FER: variants seen among roughly 807,000 people sequenced by gnomAD.
FER encodes tyrosine-protein kinase Fer.
In FER, 63 loss-of-function variants were observed where a neutral mutation model predicts 111.0. The observed-to-expected ratio is 0.57, with a 90% confidence interval of 0.46 to 0.70. The LOEUF (loss-of-function observed/expected upper bound fraction) is 0.70. Among genes scored for constraint, FER ranks in the 30% least tolerant of loss-of-function variants. The probability of loss-of-function intolerance (pLI) is 0.00; values close to 1 mark genes in which losing one functional copy is unlikely to be tolerated. For missense variants in FER, 914 were observed against 954.0 expected, an observed-to-expected ratio of 0.96 and a Z score of 0.55; for synonymous variants, 327 against 313.9, an observed-to-expected ratio of 1.04 and a Z score of -0.44.
chr5:109,139,852 A>T (rs1753333287), intron 17 of FER, among the ~76,000 whole-genome samples: 1 of 139,158 alleles, frequency 7.2e-6, no homozygotes. Context: ...ATGGGCAGCC[A>T]GTTAGCTGAC....
Position 108,767,378 on chromosome 5 carries a change from C to G in FER, c.-205-715C>G, listed in dbSNP as rs139816647. 5.7e-3 allele frequency among the ~76,000 whole-genome samples: 871 copies of G among 152,244 alleles called. 12 individuals are homozygous for G. Among genetic ancestry groups the G allele is most frequent in the African/African-American group, 0.02 (837 of 41,546 alleles). Reference sequence around the variant, plus strand: ...TATGTGTTTGCTGGGGGAATCCTTCCCAAACCTTCCCCAGCCTTTGAAAAA... The same window carrying G: ...TATGTGTTTGCTGGGGGAATCCTTCGCAAACCTTCCCCAGCCTTTGAAAAA... On this transcript the variant is annotated intron_variant, in intron 1 of 19. Transcript: ENST00000281092.
At chr5:108,805,866 C>T (rs1757152593) in intron 3 of FER, among the ~76,000 whole-genome samples, 1 of 152,150 alleles carries the variant, frequency 6.6e-6, no homozygotes, top group South Asian at 2.1e-4. Context: ...GGAAAATTTG[C>T]AGCCTGAAAA....
chr5:109,150,360 C>T (rs777029382), intron 17 of FER, among the ~76,000 whole-genome samples: 1 of 152,132 alleles, frequency 6.6e-6, no homozygotes, highest in Non-Finnish European at 1.5e-5. Flanking sequence ...ATCCTATACC[C>T]ATCTCACTTT....
At chr5:108,790,769 C>A (rs1204563465) in intron 2 of FER, among the ~76,000 whole-genome samples, 1 of 152,148 alleles carries the variant, frequency 6.6e-6, no homozygotes, top group Non-Finnish European at 1.5e-5. Flanking sequence ...ATTTTCATCA[C>A]CACAAAAGGA....
intron 3 of FER, among the ~76,000 whole-genome samples, chr5:108,808,665 G>A (rs1757442169): frequency 1.3e-5 from 2 of 151,978 alleles, no homozygotes; most frequent in Non-Finnish European, 2.9e-5. Context: ...TTACTTTGTA[G>A]TTTGTATTGT....
At chr5:108,844,418 T>G (rs1177483961) in intron 5 of FER, among the ~76,000 whole-genome samples, 1 of 152,160 alleles carries the variant, frequency 6.6e-6, no homozygotes, top group African/African-American at 2.4e-5. Flanking sequence ...AAATAAAGGT[T>G]TATATATTGT....
intron 13 of FER, among the ~76,000 whole-genome samples, chr5:109,022,318 A>G (rs1398727265): frequency 6.6e-6 from 1 of 152,092 alleles, no homozygotes; most frequent in African/African-American, 2.4e-5. Flanking sequence ...GCAGCTTGGA[A>G]TATACAGGAA....
chr5:109,003,194 A>G (rs1299365547), intron 13 of FER, among the ~76,000 whole-genome samples: 1 of 152,250 alleles, frequency 6.6e-6, no homozygotes, highest in African/African-American at 2.4e-5. Flanking sequence ...ACTATTCACA[A>G]TAGCAAAGAC....
At chr5:109,044,488 G>A (rs962120879) in intron 14 of FER, among the ~76,000 whole-genome samples, 192 bp from the exon 15 acceptor site, 5 of 152,004 alleles carry the variant, frequency 3.3e-5, no homozygotes, top group South Asian at 4.2e-4. Context: ...GCCAAATGAG[G>A]CATTTTATAC....
At chr5:108,859,568 G>A (rs1270511325) in intron 5 of FER, among the ~76,000 whole-genome samples, 1 of 152,004 alleles carries the variant, frequency 6.6e-6, no homozygotes, top group African/African-American at 2.4e-5. Flanking sequence ...GTAATATGTG[G>A]GAGATTCAGA....
At chr5:109,048,532 A>G (rs751433010) in intron 16 of FER, among the ~76,000 whole-genome samples, 5 of 152,198 alleles carry the variant, frequency 3.3e-5, no homozygotes, top group Non-Finnish European at 7.3e-5. Context: ...ACCAGATGAC[A>G]AGTCCTAGTT....
intron 16 of FER, among the ~76,000 whole-genome samples, chr5:109,076,005 T>C (rs1177647082): frequency 1.3e-5 from 2 of 152,088 alleles, no homozygotes; most frequent in Non-Finnish European, 2.9e-5. Context: ...AATTAGAAGC[T>C]ATTTCAGGGA....
chr5:108,932,141 A>G (rs1754774331), intron 10 of FER, among the ~76,000 whole-genome samples: 1 of 152,054 alleles, frequency 6.6e-6, no homozygotes, highest in Non-Finnish European at 1.5e-5. Flanking sequence ...CATCTACATT[A>G]GGTATTTCTC....
chr5:108,837,595 A>G (rs1760804540), intron 5 of FER, among the ~76,000 whole-genome samples: 1 of 152,180 alleles, frequency 6.6e-6, no homozygotes, highest in Non-Finnish European at 1.5e-5. Context: ...CTAGGTTTGT[A>G]TATGTTGGAG....
intron 13 of FER, among the ~76,000 whole-genome samples, chr5:108,969,959 T>G (rs1041477720): frequency 2.0e-5 from 3 of 148,130 alleles, no homozygotes; most frequent in Non-Finnish European, 4.4e-5. Context: ...AACATGTTAC[T>G]ATGTTTGTAA....
At chr5:109,079,938 T>C (rs1776794244) in intron 16 of FER, among the ~76,000 whole-genome samples, 1 of 152,108 alleles carries the variant, frequency 6.6e-6, no homozygotes, top group African/African-American at 2.4e-5. Context: ...AGAAAGTAGT[T>C]TTTGTTTGCC....
intron 3 of FER, among the ~76,000 whole-genome samples, chr5:108,815,574 C>T (rs537727132): frequency 2.0e-5 from 3 of 152,192 alleles, no homozygotes; most frequent in Non-Finnish European, 4.4e-5. Flanking sequence ...ATGAATTTTA[C>T]TTTGCTTCTT....
chr5:109,011,652 TCTTG>T (rs2149804436), intron 13 of FER, among the ~76,000 whole-genome samples: 1 of 152,328 alleles, frequency 6.6e-6, no homozygotes, highest in East Asian at 1.9e-4. Flanking sequence ...CAGGGCTTTA[TCTTG>T]CTTTTATTTT....
At chr5:108,888,821 AT>A (rs886825485) in intron 9 of FER, among the ~76,000 whole-genome samples, 83 of 151,946 alleles carry the variant, frequency 5.5e-4, no homozygotes, top group African/African-American at 1.9e-3. Context: ...GAAGAAATGA[AT>A]TTTTCTAATT....
Sources: gnomAD v4.1 joint callset for allele counts (sites outside exome capture counted in the v4.1 genomes callset) on GRCh38, gnomAD v4.1.1 for gene constraint, MANE v1.5 for transcripts, NCBI Gene and HGNC (gene_info 2026-07-23, HGNC 2026-07-21) for gene names.